Variants in PLCB1 observed in about 807,000 individuals in gnomAD.
PLCB1 encodes the protein 1-phosphatidylinositol 4,5-bisphosphate phosphodiesterase beta-1.
In PLCB1, 46 loss-of-function variants were observed where a neutral mutation model predicts 161.8. The observed-to-expected ratio is 0.28, with a 90% confidence interval of 0.22 to 0.36. PLCB1 has a LOEUF of 0.36. PLCB1 is among the 10% of genes least tolerant of loss of function. PLCB1 has a pLI of 1.00. For missense variants in PLCB1, 1,016 were observed against 1,472.5 expected, an observed-to-expected ratio of 0.69 and a Z score of 5.07; for synonymous variants, 517 against 503.7, an observed-to-expected ratio of 1.03 and a Z score of -0.35.
intron 31 of PLCB1, among the ~76,000 whole-genome samples, chr20:8,835,803 G>C (rs955227344): frequency 1.6e-5 from 2 of 122,400 alleles, no homozygotes; most frequent in South Asian, 2.5e-4. Flanking sequence ...GACTGACAAG[G>C]CATCTGGGTC....
At chr20:8,646,797 A>G (rs1450329968) in intron 5 of PLCB1, among the ~76,000 whole-genome samples, 1 of 152,226 alleles carries the variant, frequency 6.6e-6, no homozygotes, top group African/African-American at 2.4e-5. Flanking sequence ...TGACCAAGGA[A>G]AATAATGACT....
chr20:8,411,626 G>A (rs994723344), intron 3 of PLCB1, among the ~76,000 whole-genome samples: 7 of 152,166 alleles, frequency 4.6e-5, no homozygotes, highest in Admixed American at 2.0e-4. Context: ...CATTCCATTT[G>A]TGTAAACTAT....
At position 8,647,934 on chromosome 20, in the gene PLCB1, G is replaced by A. The variant is rs749130736; in HGVS notation, c.499G>A (p.Gly167Arg). 42 of 1,575,508 alleles carry A rather than the reference G, an allele frequency of 2.7e-5. 1 individual carries two copies. Among genetic ancestry groups the A allele is most frequent in the African/African-American group, 9.7e-5 (7 of 72,312 alleles). Residue 167 changes from glycine (G) to arginine (R), a missense_variant, in exon 6 of 32, where the codon GGG becomes AGG. Physicochemically the swap from Gly to Arg is moderately radical, Grantham distance 125. This residue lies in a region of PLCB1 where 181 missense variants were observed against 236.7 expected (regional missense o/e 0.76). Coordinates refer to ENST00000338037, the MANE Select transcript of PLCB1 (RefSeq NM_015192.4). ...ACTTAAGCTGCAAGTCACTCCAGAA[G>A]GGCGTATTCCTCTCAAAAAGTAAGC... ...TKLKLQVTPEGRIPLKNIYRL... is the reference protein window; with the variant it reads ...TKLKLQVTPERRIPLKNIYRL...
intron 2 of PLCB1, chr20:8,256,838 A>G (rs1251259176): frequency 6.6e-6 from 1 of 152,164 alleles, no homozygotes; most frequent in Admixed American, 6.6e-5. Context: ...AATCTAATCC[A>G]GGATTAAGAG....
At chr20:8,340,462 G>C (rs1009528827) in intron 2 of PLCB1, among the ~76,000 whole-genome samples, 5 of 151,836 alleles carry the variant, frequency 3.3e-5, no homozygotes, top group Non-Finnish European at 5.9e-5. Context: ...TCGCTCTGTC[G>C]CCCAGGCTGG....
intron 25 of PLCB1, among the ~76,000 whole-genome samples, chr20:8,761,978 G>A (rs6118311): frequency 0.077 from 11,709 of 151,308 alleles, 554 homozygotes; most frequent in South Asian, 0.18. Flanking sequence ...GGAGGCCAAG[G>A]GGGGGGCGGA....
chr20:8,498,027 A>G (rs975496802), intron 3 of PLCB1, among the ~76,000 whole-genome samples: 1 of 152,218 alleles, frequency 6.6e-6, no homozygotes, highest in Non-Finnish European at 1.5e-5. Context: ...TTTTAATAAG[A>G]CAATAAAACC....
chr20:8,590,422 G>T (rs931408454), intron 3 of PLCB1, among the ~76,000 whole-genome samples: 1 of 151,884 alleles, frequency 6.6e-6, no homozygotes, highest in Admixed American at 6.6e-5. Context: ...ATATAAAATC[G>T]ATGTCACCTT....
chr20:8,166,633 C>A (rs976811057), intron 2 of PLCB1, among the ~76,000 whole-genome samples: 2 of 152,134 alleles, frequency 1.3e-5, no homozygotes, highest in African/African-American at 2.4e-5. Flanking sequence ...TTCTTCCTCC[C>A]TTAAATCCTG....
chr20:8,487,298 A>G (rs944520149), intron 3 of PLCB1, among the ~76,000 whole-genome samples: 1 of 152,232 alleles, frequency 6.6e-6, no homozygotes, highest in African/African-American at 2.4e-5. Context: ...AGAATTTGCA[A>G]AATAGTGAAT....
chr20:8,565,354 G>A (rs576308572), intron 3 of PLCB1, among the ~76,000 whole-genome samples: 126 of 152,130 alleles, frequency 8.3e-4, no homozygotes, highest in Non-Finnish European at 1.3e-3. Flanking sequence ...GGGGGTTAGG[G>A]CATGGATATC....
intron 31 of PLCB1, among the ~76,000 whole-genome samples, chr20:8,877,784 T>C (rs1367479773): frequency 6.6e-6 from 1 of 152,230 alleles, no homozygotes; most frequent in African/African-American, 2.4e-5. Context: ...ATAAATACAA[T>C]TTTGAAATTA....
chr20:8,721,939 G>C (rs1316383606), intron 14 of PLCB1, among the ~76,000 whole-genome samples: 1 of 21,920 alleles, frequency 4.6e-5, no homozygotes, highest in African/African-American at 3.8e-4. Flanking sequence ...AAAGATGAAG[G>C]AGGGATAGAT....
At chr20:8,398,001 A>G (rs1317810285) in intron 3 of PLCB1, among the ~76,000 whole-genome samples, 1 of 151,870 alleles carries the variant, frequency 6.6e-6, no homozygotes, top group Non-Finnish European at 1.5e-5. Flanking sequence ...TAACATCTTC[A>G]TAGACTTTTT....
At chr20:8,245,438 A>C (rs1196637030) in intron 2 of PLCB1, among the ~76,000 whole-genome samples, 1 of 151,920 alleles carries the variant, frequency 6.6e-6, no homozygotes, top group Non-Finnish European at 1.5e-5. Flanking sequence ...GTAAAACTTC[A>C]TGGAAATTCC....
chr20:8,680,411 A>G lies in PLCB1; in HGVS notation c.863-4521A>G, dbSNP rs573958333. On this transcript the variant is annotated intron_variant, in intron 9 of 31. Transcript: ENST00000338037. ...ACTCTTGACCCCTTAGCTGACACCTACAAGATTACAAACTGACTGCTCTTT... is the reference window on the plus strand; with the variant it reads ...ACTCTTGACCCCTTAGCTGACACCTGCAAGATTACAAACTGACTGCTCTTT... Among the ~76,000 whole-genome samples the G allele has an allele frequency of 1.1e-3, 167 of 152,306 alleles. 4 individuals carry two copies. The South Asian group carries it at 0.029, about 27-fold the overall frequency.
At chr20:8,500,661 A>G (rs900897303) in intron 3 of PLCB1, among the ~76,000 whole-genome samples, 8 of 152,216 alleles carry the variant, frequency 5.3e-5, no homozygotes, top group Non-Finnish European at 5.9e-5. Context: ...TTTTATTTCT[A>G]TAATAAGAAA....
At chr20:8,345,996 A>T (rs1269508490) in intron 2 of PLCB1, among the ~76,000 whole-genome samples, 2 of 152,202 alleles carry the variant, frequency 1.3e-5, no homozygotes, top group Non-Finnish European at 2.9e-5. Context: ...TCCTCACATA[A>T]AGTAAAGAGG....
intron 2 of PLCB1, among the ~76,000 whole-genome samples, chr20:8,211,257 G>A (rs1331142316): frequency 2.0e-5 from 3 of 152,076 alleles, no homozygotes; most frequent in African/African-American, 7.2e-5. Context: ...AAGGACACCA[G>A]TTTAGGGTGG....
Sources: gnomAD v4.1 joint callset for allele counts (sites outside exome capture counted in the v4.1 genomes callset) on GRCh38, gnomAD v4.1.1 for gene constraint, gnomAD v4.1.1 regional missense constraint, MANE v1.5 for transcripts, NCBI Gene and HGNC (gene_info 2026-07-23, HGNC 2026-07-21) for gene names.